Variants in UBE3D observed in about 807,000 individuals in gnomAD.
UBE3D encodes ubiquitin protein ligase E3D.
Under a neutral mutation model 49.6 loss-of-function variants are expected in UBE3D, and 48 were observed. That is an observed-to-expected ratio of 0.97 (90% CI 0.77 to 1.23). The LOEUF (loss-of-function observed/expected upper bound fraction) is 1.23. Ranked by LOEUF, UBE3D falls within the 50% of genes most tolerant of loss-of-function variation. The probability of loss-of-function intolerance (pLI) is 0.00; values close to 1 mark genes in which losing one functional copy is unlikely to be tolerated. For missense variants in UBE3D, 452 were observed against 468.4 expected, an observed-to-expected ratio of 0.96 and a Z score of 0.32; for synonymous variants, 189 against 174.2, an observed-to-expected ratio of 1.08 and a Z score of -0.67.
intron 8 of UBE3D, chr6:83,017,373 A>T (rs1458203798): frequency 6.6e-6 from 1 of 152,146 alleles, no homozygotes; most frequent in African/African-American, 2.4e-5. Flanking sequence ...GATGATATAA[A>T]CCTAAATATA....
At chr6:82,991,306 A>T (rs1335258167) in intron 8 of UBE3D, among the ~76,000 whole-genome samples, 1 of 152,200 alleles carries the variant, frequency 6.6e-6, no homozygotes, top group Non-Finnish European at 1.5e-5. Context: ...AGAATTTTTA[A>T]AACCACATCT....
chr6:83,017,678 T>C (rs566701596), intron 8 of UBE3D: 99 of 152,300 alleles, frequency 6.5e-4, no homozygotes, highest in African/African-American at 2.3e-3. Context: ...TATAAATTCA[T>C]GATGCCTTTT....
At chr6:82,881,531 G>C in the UBE3D span, among the ~76,000 whole-genome samples, 2 of 152,130 alleles carry the variant, frequency 1.3e-5, no homozygotes, top group Admixed American at 1.3e-4. Flanking sequence ...AATGAGCTTG[G>C]TTTTTAGATC....
intron 8 of UBE3D, 160 bp downstream of exon 8, chr6:83,018,813 T>C (rs1780871627): frequency 1.4e-5 from 11 of 761,128 alleles, no homozygotes; most frequent in Non-Finnish European, 2.2e-5. Flanking sequence ...TCTGTAATAA[T>C]TCAACCTATT....
At chr6:83,059,494 A>G (rs1184369959) in intron 1 of UBE3D, among the ~76,000 whole-genome samples, 1 of 152,228 alleles carries the variant, frequency 6.6e-6, no homozygotes, top group Non-Finnish European at 1.5e-5. Flanking sequence ...CCACTGCTCT[A>G]AAGATAACAC....
At chr6:83,055,429 A>C (rs572299459) in intron 2 of UBE3D, among the ~76,000 whole-genome samples, 1 of 152,320 alleles carries the variant, frequency 6.6e-6, no homozygotes, top group South Asian at 2.1e-4. Flanking sequence ...GGTGGCCAGA[A>C]ATCCCTATAG....
chr6:82,985,863 T>C (rs963513034), intron 8 of UBE3D, among the ~76,000 whole-genome samples: 6 of 152,200 alleles, frequency 3.9e-5, no homozygotes, highest in Non-Finnish European at 8.8e-5. Flanking sequence ...TTCTGTTGTG[T>C]TCCAATGGTT....
At chr6:82,958,380 A>G (rs1776318514) in intron 8 of UBE3D, among the ~76,000 whole-genome samples, 1 of 152,200 alleles carries the variant, frequency 6.6e-6, no homozygotes, top group African/African-American at 2.4e-5. Context: ...TGTATATAAT[A>G]TTTATATTGG....
At chr6:82,994,730 G>T (rs1373067033) in intron 8 of UBE3D, among the ~76,000 whole-genome samples, 1 of 152,162 alleles carries the variant, frequency 6.6e-6, no homozygotes, top group Non-Finnish European at 1.5e-5. Flanking sequence ...TTGGATGTGG[G>T]GGAAGTTGGA....
chr6:83,057,795 A>C (rs1783905118), intron 2 of UBE3D, 31 bp downstream of exon 2: 6 of 1,607,730 alleles, frequency 3.7e-6, no homozygotes, highest in Middle Eastern at 1.7e-4. Context: ...AAAAAGGTAA[A>C]TACAGCAGCA....
chr6:83,020,485 G>A (rs2127771567), intron 7 of UBE3D, among the ~76,000 whole-genome samples: 1 of 151,742 alleles, frequency 6.6e-6, no homozygotes. Context: ...TAGCAAGGCA[G>A]GAAAGGGAAC....
At chr6:82,888,989 T>TATCTTAAAATGTAAAAGC (rs898434001), downstream of UBE3D, among the ~76,000 whole-genome samples, 1 of 152,234 alleles carries the variant, frequency 6.6e-6, no homozygotes, top group Non-Finnish European at 1.5e-5. Flanking sequence ...AGGTAAAACC[T>TATCTTAAAATGTAAAAGC]ATCTTAAAAT....
chr6:83,016,294 G>A (rs979607656), intron 8 of UBE3D, among the ~76,000 whole-genome samples: 6 of 152,230 alleles, frequency 3.9e-5, no homozygotes, highest in Admixed American at 3.9e-4. Context: ...CCTTAATACA[G>A]CCAAAGGCAT....
chr6:82,973,540 C>T (rs1272300278), intron 8 of UBE3D, among the ~76,000 whole-genome samples: 4 of 147,294 alleles, frequency 2.7e-5, no homozygotes, highest in African/African-American at 1.0e-4. Context: ...CCGAAGGCCA[C>T]TATTTTTTAT....
At chr6:82,905,688 A>G (rs981984) in intron 9 of UBE3D, among the ~76,000 whole-genome samples, 33,736 of 152,030 alleles carry the variant, frequency 0.22, 5,078 homozygotes, top group African/African-American at 0.43. Context: ...CAACATACCA[A>G]CAAACAAGGC....
intron 8 of UBE3D, among the ~76,000 whole-genome samples, chr6:82,968,204 T>A (rs1777086893): frequency 6.6e-6 from 1 of 152,134 alleles, no homozygotes; most frequent in Admixed American, 6.5e-5. Flanking sequence ...TGTAATCAAG[T>A]TTTTGTATTT....
chr6:82,981,260 G>T (rs978426792), intron 8 of UBE3D, among the ~76,000 whole-genome samples: 1 of 151,968 alleles, frequency 6.6e-6, no homozygotes, highest in African/African-American at 2.4e-5. Flanking sequence ...AATAATATTT[G>T]CCCTTTAAGC....
Position 83,009,674 on chromosome 6 carries a change from C to T in UBE3D, c.1010+9299G>A, listed in dbSNP as rs150856952. Among the ~76,000 whole-genome samples the T allele has an allele frequency of 3.4e-3, 375 of 109,176 alleles. 13 individuals are homozygous for T. The highest frequency in any genetic ancestry group is 0.011 in the African/African-American group (329 of 30,082). 71.6% of individuals were successfully genotyped at this position (109,176 alleles called of 152,430 possible). A position where few individuals can be genotyped will look rare whatever the true frequency, so the allele number is the denominator to read the frequency against. On this transcript the variant is annotated intron_variant, in intron 8 of 9. Transcript: ENST00000369747. ...GACATAAGAGAAAATTTTGAGTGAG[C>T]GCTCACATTTAAACACATCTGTATA...
intron 9 of UBE3D, among the ~76,000 whole-genome samples, chr6:82,905,331 T>C (rs546269782): frequency 2.0e-5 from 3 of 152,164 alleles, no homozygotes; most frequent in Admixed American, 6.6e-5. Context: ...ACTTTTCCTT[T>C]AATATTATAC....
Sources: gnomAD v4.1 joint callset for allele counts (sites outside exome capture counted in the v4.1 genomes callset) on GRCh38, gnomAD v4.1.1 for gene constraint, MANE v1.5 for transcripts, NCBI Gene and HGNC (gene_info 2026-07-23, HGNC 2026-07-21) for gene names.